POU2AF2: variants seen among roughly 807,000 people sequenced by gnomAD.
POU2AF2 encodes POU class 2 homeobox associating factor 2, also known as POU domain class 2-associating factor 2.
At chr11:111,264,585 A>AGG in the POU2AF2 span, among the ~76,000 whole-genome samples, 1 of 149,700 alleles carries the variant, frequency 6.7e-6, no homozygotes, top group Non-Finnish European at 1.5e-5. Context: ...AGGGAGAGAG[A>AGG]AAGACAGAAA....
chr11:111,255,541 C>A, the POU2AF2 span, among the ~76,000 whole-genome samples: 2 of 152,224 alleles, frequency 1.3e-5, no homozygotes, highest in African/African-American at 4.8e-5. Context: ...TCCTGCTGAC[C>A]TGCTCACTCC....
chr11:111,257,833 T>C, the POU2AF2 span, among the ~76,000 whole-genome samples: 2 of 152,258 alleles, frequency 1.3e-5, no homozygotes, highest in Admixed American at 6.5e-5. Flanking sequence ...AAAATATCAA[T>C]ACAGCAGGGC....
chr11:111,259,440 C>T, the POU2AF2 span, among the ~76,000 whole-genome samples: 3 of 151,944 alleles, frequency 2.0e-5, no homozygotes, highest in African/African-American at 4.8e-5. Context: ...CTCGGCCTCC[C>T]GATTAGCTGG....
the POU2AF2 span, chr11:111,245,890 TA>T: frequency 5.0e-6 from 2 of 398,838 alleles, no homozygotes; most frequent in Non-Finnish European, 8.9e-6. Flanking sequence ...TATTATAATT[TA>T]AAAAAACTTT....
At chr11:111,274,071 T>G in the POU2AF2 span, among the ~76,000 whole-genome samples, 3 of 152,094 alleles carry the variant, frequency 2.0e-5, no homozygotes, top group Non-Finnish European at 4.4e-5. Flanking sequence ...AAGAAAGAAA[T>G]GTAAGATTTC....
the POU2AF2 span, among the ~76,000 whole-genome samples, chr11:111,262,594 T>C: frequency 6.6e-6 from 1 of 152,198 alleles, no homozygotes; most frequent in Non-Finnish European, 1.5e-5. Flanking sequence ...TTGATTTCCA[T>C]GAAACTTTGG....
chr11:111,281,319 C>T, the POU2AF2 span: 8 of 1,232,624 alleles, frequency 6.5e-6, no homozygotes, highest in African/African-American at 3.0e-5. Context: ...TAAAACCAAG[C>T]TTATAAGGTG....
the POU2AF2 span, among the ~76,000 whole-genome samples, chr11:111,247,281 A>T: frequency 6.6e-6 from 1 of 151,204 alleles, no homozygotes; most frequent in Middle Eastern, 3.4e-3. Context: ...TATCTTGGCT[A>T]TTGTGAACAA....
the POU2AF2 span, among the ~76,000 whole-genome samples, chr11:111,254,897 A>G: frequency 6.6e-6 from 1 of 152,260 alleles, no homozygotes. Context: ...TTTTAATTAA[A>G]TGGAAGTTGT....
the POU2AF2 span, among the ~76,000 whole-genome samples, chr11:111,264,262 G>T: frequency 6.6e-6 from 1 of 151,896 alleles, no homozygotes; most frequent in South Asian, 2.1e-4. Flanking sequence ...TTGGGAGGCC[G>T]AGGTGGGCAG....
the POU2AF2 span, among the ~76,000 whole-genome samples, chr11:111,280,058 ATATATATATAT>A: frequency 8.3e-5 from 3 of 36,060 alleles, no homozygotes; most frequent in Admixed American, 1.1e-3. Flanking sequence ...AAAAAAAAAA[ATATATATATAT>A]ATATATATAT....
the POU2AF2 span, among the ~76,000 whole-genome samples, chr11:111,255,729 A>C: frequency 6.6e-6 from 1 of 152,336 alleles, no homozygotes; most frequent in Middle Eastern, 3.4e-3. Context: ...AGTACAAGGA[A>C]GGGACTTTGA....
At chr11:111,253,321 G>T in the POU2AF2 span, among the ~76,000 whole-genome samples, 7 of 152,130 alleles carry the variant, frequency 4.6e-5, no homozygotes, top group Non-Finnish European at 1.0e-4. Context: ...ACCCCAGTAT[G>T]CCAGGTGCTC....
chr11:111,278,683 C>T, the POU2AF2 span, among the ~76,000 whole-genome samples: 6 of 152,202 alleles, frequency 3.9e-5, no homozygotes, highest in African/African-American at 1.2e-4. Flanking sequence ...TTCCAGTCTC[C>T]TGAACTGTGA....
At chr11:111,272,283 A>G in the POU2AF2 span, among the ~76,000 whole-genome samples, 1 of 152,012 alleles carries the variant, frequency 6.6e-6, no homozygotes, top group African/African-American at 2.4e-5. Context: ...ACCACCCCAA[A>G]CTTCATCCCT....
chr11:111,278,610 G>T, the POU2AF2 span, among the ~76,000 whole-genome samples: 2 of 151,900 alleles, frequency 1.3e-5, no homozygotes, highest in African/African-American at 4.8e-5. Flanking sequence ...CACACAGTGA[G>T]AAGCCAGCTT....
the POU2AF2 span, among the ~76,000 whole-genome samples, chr11:111,248,875 T>C: frequency 3.3e-5 from 5 of 152,334 alleles, no homozygotes; most frequent in Admixed American, 6.5e-5. Flanking sequence ...CAAATTGATT[T>C]CAGAATACGT....
At chr11:111,253,778 A>T in the POU2AF2 span, among the ~76,000 whole-genome samples, 1 of 152,140 alleles carries the variant, frequency 6.6e-6, no homozygotes, top group African/African-American at 2.4e-5. Flanking sequence ...AAACATCATG[A>T]TTGACCCCTA....
the POU2AF2 span, among the ~76,000 whole-genome samples, chr11:111,265,841 T>G: frequency 6.7e-6 from 1 of 148,220 alleles, no homozygotes. Flanking sequence ...GGGTAACTTT[T>G]GTAGGTTTGA....
Sources: gnomAD v4.1 joint callset for allele counts (sites outside exome capture counted in the v4.1 genomes callset) on GRCh38, gnomAD v4.1.1 for gene constraint, MANE v1.5 for transcripts, NCBI Gene and HGNC (gene_info 2026-07-23, HGNC 2026-07-21) for gene names.